The following PHF20L1 variants were observed in gnomAD, a reference collection of about 807,000 sequenced individuals.
The protein encoded by PHF20L1 is PHD finger protein 20-like protein 1.
PHF20L1 carries 44 observed loss-of-function variants against 125.5 expected under a neutral mutation model. That is an observed-to-expected ratio of 0.35 (90% CI 0.28 to 0.45). The LOEUF is 0.45. Ranked by LOEUF, PHF20L1 falls within the 20% of genes least tolerant of loss-of-function variation. The pLI is 1.00. For synonymous variants in PHF20L1, 380 were observed against 403.1 expected (o/e 0.94, Z 0.69); for missense variants, 1,012 against 1,217.2 (o/e 0.83, Z 2.51).
Position 132,848,682 on chromosome 8 carries a change from A to G in PHF20L1, c.*2759A>G, listed in dbSNP as rs1838580311. 1 of 152,198 alleles carries G rather than the reference A, an allele frequency of 6.6e-6. No individual in the cohort carries two copies. Among genetic ancestry groups the G allele is most frequent in the Non-Finnish European group, 1.5e-5 (1 of 67,960 alleles). 9.4% of individuals were successfully genotyped at this position (152,198 alleles called of 1,614,324 possible). On this transcript the variant is annotated 3_prime_UTR_variant, in exon 21 of 21. Transcript: ENST00000395386. The stretch of plus-strand genomic sequence containing the variant: ...ACAACTTGGTTATTCTTTAAATTTC[A>G]GGTAAAACCCCTTTTCCTAACACTC...
rs1831114635 is a variant in PHF20L1 at position 132,787,003 on chromosome 8, C to T, written c.84-7407C>T. 5.9e-5 allele frequency among the ~76,000 whole-genome samples: 9 copies of T among 151,896 alleles called. No individual in the cohort carries two copies. The South Asian group carries it at 1.7e-3, about 28-fold the overall frequency. On this transcript the variant is annotated intron_variant, in intron 2 of 20. Transcript: ENST00000395386. ...GTTAAGAAATAGAACTGGGTGATTG[C>T]AACCTGCTAGATTTTGAGTTTTGCT...
chr8:132,812,864 T>G, intron 9 of PHF20L1: 1 of 982,040 alleles, frequency 1.0e-6, no homozygotes, highest in Non-Finnish European at 1.2e-6. Context: ...AGTCAAAACT[T>G]ACTGTGCTAA....
At chr8:132,793,480 C>A in intron 2 of PHF20L1, among the ~76,000 whole-genome samples, 1 of 152,068 alleles carries the variant, frequency 6.6e-6, no homozygotes, top group East Asian at 1.9e-4. Flanking sequence ...AACAAAGATT[C>A]TGAATTTAGC....
At chr8:132,781,066 G>T (rs1355705555) in intron 2 of PHF20L1, among the ~76,000 whole-genome samples, 1 of 152,012 alleles carries the variant, frequency 6.6e-6, no homozygotes, top group Non-Finnish European at 1.5e-5. Context: ...GCCCAGGCTG[G>T]TCTGGAATTC....
chr8:132,837,014 A>C (rs1837431910), intron 16 of PHF20L1, among the ~76,000 whole-genome samples: 1 of 152,128 alleles, frequency 6.6e-6, no homozygotes, highest in Admixed American at 6.6e-5. Flanking sequence ...GGCAGGCTAC[A>C]GCAACCTTTC....
At position 132,817,552 on chromosome 8, in the gene PHF20L1, G is replaced by T; in HGVS notation, c.1579+7G>T. 6.3e-7 allele frequency: 1 copy of T among 1,593,474 alleles called. No individual in the cohort carries two copies. Among genetic ancestry groups the T allele is most frequent in the Non-Finnish European group, 8.5e-7 (1 of 1,170,742 alleles). On this transcript the variant is annotated splice_region_variant and intron_variant, in intron 12 of 20. Coordinates refer to ENST00000395386, the MANE Select transcript of PHF20L1 (RefSeq NM_016018.5). The stretch of plus-strand genomic sequence containing the variant: ...GGAGCTCCAGCAGCAGCAGGTAAAA[G>T]AAAAAAAATAAAGGCTCCTATAAGT...
At chr8:132,824,111 A>G (rs750122570) in intron 13 of PHF20L1, 51 bp downstream of exon 13, 10 of 1,160,480 alleles carry the variant, frequency 8.6e-6, no homozygotes, top group Non-Finnish European at 1.3e-5. Context: ...CTTGACAGAG[A>G]GGGAGGACAT....
intron 12 of PHF20L1, chr8:132,818,027 A>G (rs1331170351): frequency 6.6e-6 from 1 of 152,372 alleles, no homozygotes; most frequent in African/African-American, 2.4e-5. Context: ...CTGTAAAGTT[A>G]TTTGAGGAGT....
intron 15 of PHF20L1, among the ~76,000 whole-genome samples, chr8:132,834,392 G>T (rs1837118597): frequency 6.6e-6 from 1 of 151,924 alleles, no homozygotes; most frequent in Non-Finnish European, 1.5e-5. Flanking sequence ...CTGAAATACT[G>T]GTGTGATCGT....
chr8:132,776,628 T>TA (rs1194516902), intron 1 of PHF20L1, among the ~76,000 whole-genome samples: 2 of 152,200 alleles, frequency 1.3e-5, no homozygotes, highest in African/African-American at 4.8e-5. Flanking sequence ...TTTTTTCCCT[T>TA]ACCTATCAGA....
At chr8:132,825,416 A>G in intron 14 of PHF20L1, 45 bp downstream of exon 14, 1 of 1,415,932 alleles carries the variant, frequency 7.1e-7, no homozygotes. Flanking sequence ...TAAAATTTGA[A>G]GTTTCCTTTG....
chr8:132,779,369 C>T (rs1830177439), intron 2 of PHF20L1, among the ~76,000 whole-genome samples: 1 of 152,100 alleles, frequency 6.6e-6, no homozygotes, highest in Non-Finnish European at 1.5e-5. Context: ...ACAGAAAATG[C>T]CAGTTGAGGC....
intron 4 of PHF20L1, among the ~76,000 whole-genome samples, chr8:132,795,451 A>G (rs1038834790): frequency 6.6e-6 from 1 of 152,132 alleles, no homozygotes. Flanking sequence ...TGGGAAATCT[A>G]TTGGACAGAT....
At position 132,832,259 on chromosome 8, in the gene PHF20L1, C is replaced by G; in HGVS notation, c.1769C>G (p.Ser590Cys). ...GACTATTCAGACTATGAAGACAGTT[C>G]CCTCGAATTTTTGGAAAGGTGCTCT... ...QHDYSDYEDSSLEFLERCSSP... is the reference protein window; with the variant it reads ...QHDYSDYEDSCLEFLERCSSP... Residue 590 changes from serine (S) to cysteine (C), a missense_variant, in exon 15 of 21, where the codon TCC becomes TGC. By Grantham distance (112) the Ser-to-Cys change is moderately radical. Transcript: ENST00000395386. 2 of 1,596,834 alleles carry G rather than the reference C, an allele frequency of 1.3e-6. No individual in the cohort carries two copies. Among genetic ancestry groups the G allele is most frequent in the Non-Finnish European group, 1.7e-6 (2 of 1,164,780 alleles).
At chr8:132,827,181 T>C (rs1237855331) in intron 14 of PHF20L1, among the ~76,000 whole-genome samples, 1 of 148,498 alleles carries the variant, frequency 6.7e-6, no homozygotes, top group African/African-American at 2.5e-5. Flanking sequence ...CCTCTTCATA[T>C]GTAACTGTGG....
chr8:132,832,381 G>A lies in PHF20L1; in HGVS notation c.1891G>A (p.Val631Ile), dbSNP rs199995304. ...TCAGTACCCAAGGGCAATTCTATCC[G>A]TTGATCTTAGTGGTGAAAGTATGTG... ...TYQYPRAILS[V>I]DLSGENLSDV... The change falls in exon 15 of 21, where the codon GTT becomes ATT. Residue 631 changes from valine (V) to isoleucine (I), a missense_variant. By Grantham distance (29) the Val-to-Ile change is conservative (BLOSUM62 3). Around this residue, in one of 7 missense-constraint regions of PHF20L1, gnomAD observed 320 missense variants for 293.8 expected, o/e 1.09. Transcript: ENST00000395386. The A allele has an allele frequency of 3.8e-4, 619 of 1,611,180 alleles. No individual in the cohort carries two copies. Among genetic ancestry groups the A allele is most frequent in the Non-Finnish European group, 5.0e-4 (589 of 1,177,918 alleles).
At chr8:132,828,739 C>G (rs941388368) in intron 14 of PHF20L1, among the ~76,000 whole-genome samples, 1 of 152,002 alleles carries the variant, frequency 6.6e-6, no homozygotes, top group African/African-American at 2.4e-5. Context: ...CAGTTTTTAG[C>G]TTTGTTACTT....
At position 132,848,244 on chromosome 8, in the gene PHF20L1, A is replaced by G. The variant is rs2131985055; in HGVS notation, c.*2321A>G. ...TTTTGCTCTGCTTATATGTATACGA[A>G]CTGGAAATCTGAATTTTTAAATTTA... is the stretch of plus-strand genomic sequence containing the variant. On this transcript the variant is annotated 3_prime_UTR_variant, in exon 21 of 21. Transcript: ENST00000395386. 1 of 152,360 alleles carries G rather than the reference A, an allele frequency of 6.6e-6. No homozygotes were observed. Among genetic ancestry groups the G allele is most frequent in the African/African-American group, 2.4e-5 (1 of 41,556 alleles). The allele number at this position is 152,360 out of a possible 1,614,324, so 9.4% of individuals were successfully genotyped here.
intron 13 of PHF20L1, 154 bp from the exon 14 acceptor site, chr8:132,825,110 C>G: frequency 6.5e-7 from 1 of 1,534,454 alleles, no homozygotes; most frequent in Non-Finnish European, 8.9e-7. Flanking sequence ...TCAGGACTTC[C>G]AGAGTCATGA....
Sources: allele counts gnomAD v4.1 joint callset (sites outside exome capture counted in the v4.1 genomes callset), GRCh38; gene constraint gnomAD v4.1.1; regional missense constraint gnomAD v4.1.1; transcripts MANE v1.5; gene names NCBI Gene and HGNC (gene_info 2026-07-23, HGNC 2026-07-21).